The following RTN4RL1 variants were observed in gnomAD, a reference collection of about 807,000 sequenced individuals.
RTN4RL1 encodes the protein reticulon 4 receptor like 1.
RTN4RL1 carries 7 observed loss-of-function variants against 25.6 expected under a neutral mutation model. The ratio of observed to expected loss-of-function variants is 0.27; its 90% CI spans 0.16 to 0.51. The LOEUF (loss-of-function observed/expected upper bound fraction) is 0.51. Ranked by LOEUF, RTN4RL1 falls within the 20% of genes least tolerant of loss-of-function variation. The pLI is 0.97. For synonymous variants in RTN4RL1, 297 were observed against 288.2 expected (o/e 1.03, Z -0.31); for missense variants, 500 against 615.6 (o/e 0.81, Z 1.99).
chr17:1,991,146 C>T (rs1384225834), intron 1 of RTN4RL1, among the ~76,000 whole-genome samples: 2 of 152,172 alleles, frequency 1.3e-5, no homozygotes, highest in African/African-American at 2.4e-5. Context: ...TGATTTCTGT[C>T]TGTTCTATAA....
At chr17:1,986,903 G>A (rs1342832290) in intron 1 of RTN4RL1, among the ~76,000 whole-genome samples, 2 of 152,030 alleles carry the variant, frequency 1.3e-5, no homozygotes, top group Non-Finnish European at 2.9e-5. Context: ...TCCAGGCTTG[G>A]CTCTGCTGCA....
At chr17:1,957,154 A>G (rs1164570851) in intron 1 of RTN4RL1, among the ~76,000 whole-genome samples, 1 of 152,222 alleles carries the variant, frequency 6.6e-6, no homozygotes, top group East Asian at 1.9e-4. Context: ...GCTTGGTTCA[A>G]ATACCTGATC....
At chr17:1,953,098 T>TA (rs913772557) in intron 1 of RTN4RL1, among the ~76,000 whole-genome samples, 32 of 150,580 alleles carry the variant, frequency 2.1e-4, no homozygotes, top group South Asian at 1.5e-3. Flanking sequence ...TAAAATAAAA[T>TA]AAATAAATAT....
chr17:1,937,509 G>T lies in RTN4RL1; in HGVS notation c.313C>A (p.Leu105Met). 1.2e-6 allele frequency: 2 copies of T among 1,613,954 alleles called. No homozygotes were observed. The highest frequency in any genetic ancestry group is 1.7e-6 in the Non-Finnish European group (2 of 1,179,874). The stretch of plus-strand genomic sequence containing the variant: ...AGCTGCCGGTTGTCGCCGAGGTCCA[G>T]CTCCTCCAGGTGCACGAAGCCCTCG... The part of the protein sequence containing the change: ...TFEGFVHLEE[L>M]DLGDNRQLRT... The change falls in exon 2 of 2, where the codon CTG (leucine) becomes ATG (methionine). Residue 105 changes from leucine (L) to methionine (M), a missense_variant. This residue lies in a region of RTN4RL1 where 232 missense variants were observed against 341.1 expected (regional missense o/e 0.68). Coordinates refer to ENST00000331238, the MANE Select transcript of RTN4RL1 (RefSeq NM_178568.4).
At chr17:1,979,238 A>G (rs539775354) in intron 1 of RTN4RL1, among the ~76,000 whole-genome samples, 3 of 152,306 alleles carry the variant, frequency 2.0e-5, no homozygotes, top group African/African-American at 7.2e-5. Context: ...GCGCCACTGC[A>G]CTCCAGCCTG....
chr17:1,975,965 G>A (rs142261991), intron 1 of RTN4RL1, among the ~76,000 whole-genome samples: 9 of 152,304 alleles, frequency 5.9e-5, no homozygotes, highest in South Asian at 4.1e-4. Context: ...CGTGAGAAAC[G>A]CCATCCCTGC....
intron 1 of RTN4RL1, among the ~76,000 whole-genome samples, chr17:2,013,383 G>A (rs983513985): frequency 6.6e-6 from 1 of 152,168 alleles, no homozygotes; most frequent in Non-Finnish European, 1.5e-5. Flanking sequence ...TGACCATTTC[G>A]GCACACCAGC....
At chr17:1,984,164 G>A (rs575874699) in intron 1 of RTN4RL1, among the ~76,000 whole-genome samples, 3 of 152,218 alleles carry the variant, frequency 2.0e-5, no homozygotes, top group Middle Eastern at 3.2e-3. Flanking sequence ...TCGAGAAGCC[G>A]ATAAAGCCCA....
In RTN4RL1 at chr17:2,005,719, A is replaced by G. The variant is rs557998775; in HGVS notation, c.13+19134T>C. Among the ~76,000 whole-genome samples the G allele has an allele frequency of 2.0e-5, 3 of 147,274 alleles. No homozygotes were observed. The South Asian group carries it at 6.5e-4, about 32-fold the overall frequency. On this transcript the variant is annotated intron_variant, in intron 1 of 1. Transcript: ENST00000331238. ...TGCACTCCAGCCTGGACACCAGAGCAAGACCATCTCTCTCTCTCTTTCTCT... is the reference window on the plus strand; with the variant it reads ...TGCACTCCAGCCTGGACACCAGAGCGAGACCATCTCTCTCTCTCTTTCTCT...
intron 1 of RTN4RL1, among the ~76,000 whole-genome samples, chr17:1,970,486 G>A (rs372236611): frequency 3.3e-5 from 5 of 152,188 alleles, no homozygotes; most frequent in African/African-American, 4.8e-5. Flanking sequence ...CATTCTACCC[G>A]TTAGATCCAG....
chr17:1,977,643 G>T (rs903922240), intron 1 of RTN4RL1, among the ~76,000 whole-genome samples: 4 of 152,120 alleles, frequency 2.6e-5, no homozygotes, highest in Non-Finnish European at 4.4e-5. Context: ...GCGGTAAGTG[G>T]GGGCGGGAGG....
Position 1,945,343 on chromosome 17 carries a change from C to T in RTN4RL1, c.14-7535G>A, listed in dbSNP as rs201684926. Among the ~76,000 whole-genome samples, 71 of 152,310 alleles carry T rather than the reference C, an allele frequency of 4.7e-4. No individual in the cohort carries two copies. The East Asian group carries it at 0.013, about 29-fold the overall frequency. On this transcript the variant is annotated intron_variant, in intron 1 of 1. Coordinates refer to ENST00000331238, the MANE Select transcript of RTN4RL1 (RefSeq NM_178568.4). ...GTTCAAGCGATTCTCTCGCCTCATC[C>T]TCCTGAGTAGTTGGGATTACAGGTG...
intron 1 of RTN4RL1, among the ~76,000 whole-genome samples, chr17:2,015,335 C>T (rs2067106449): frequency 6.6e-6 from 1 of 152,084 alleles, no homozygotes; most frequent in South Asian, 2.1e-4. Flanking sequence ...TTGAGGCCAC[C>T]AATGAGGGCA....
At chr17:1,965,162 T>A (rs1460630654) in intron 1 of RTN4RL1, among the ~76,000 whole-genome samples, 1 of 149,256 alleles carries the variant, frequency 6.7e-6, no homozygotes, top group Non-Finnish European at 1.5e-5. Flanking sequence ...CAAGCTGGAG[T>A]GCAATGGCGC....
chr17:1,956,686 G>A (rs1166871321), intron 1 of RTN4RL1, among the ~76,000 whole-genome samples: 1 of 151,854 alleles, frequency 6.6e-6, no homozygotes, highest in African/African-American at 2.4e-5. Context: ...GAGGGCTGCA[G>A]GGGAGCTCAG....
Position 1,998,258 on chromosome 17 carries a change from G to A in RTN4RL1, c.13+26595C>T, listed in dbSNP as rs1241517191. Among the ~76,000 whole-genome samples, 1 of 152,118 alleles carries A rather than the reference G, an allele frequency of 6.6e-6. No homozygotes were observed. The highest frequency in any genetic ancestry group is 2.4e-5 in the African/African-American group (1 of 41,444). ...TGATCCGGAGCTGCAGGGCGAGGGC[G>A]GTGCCCAGACCCGGCGCCCCAAGGC... On this transcript the variant is annotated intron_variant, in intron 1 of 1. Transcript: ENST00000331238. This position sits in a 1 kb window ranked among gnomAD's most constrained non-coding sequence, Gnocchi z 4.9.
chr17:1,999,585 G>A (rs948564054), intron 1 of RTN4RL1, among the ~76,000 whole-genome samples: 2 of 151,916 alleles, frequency 1.3e-5, no homozygotes, highest in African/African-American at 4.8e-5. Flanking sequence ...GTACACACAA[G>A]CACACACGTA....
At chr17:1,983,120 G>A (rs1352044305) in intron 1 of RTN4RL1, among the ~76,000 whole-genome samples, 3 of 151,176 alleles carry the variant, frequency 2.0e-5, no homozygotes, top group South Asian at 2.1e-4. Flanking sequence ...GCGCCATCTC[G>A]GCTCACTGCA....
chr17:2,018,145 T>TG, intron 1 of RTN4RL1: 1 of 152,466 alleles, frequency 6.6e-6, no homozygotes, highest in South Asian at 2.1e-4. Context: ...CAGGTATAGG[T>TG]GGTGGAGCCA....
Sources: gnomAD v4.1 joint callset for allele counts (sites outside exome capture counted in the v4.1 genomes callset) on GRCh38, gnomAD v4.1.1 for gene constraint, gnomAD v4.1.1 regional missense constraint, Gnocchi (gnomAD v3.1) non-coding constraint, MANE v1.5 for transcripts, NCBI Gene and HGNC (gene_info 2026-07-23, HGNC 2026-07-21) for gene names.